Variants in ABCA2 observed in about 807,000 individuals in gnomAD.
The protein encoded by ABCA2 is ATP binding cassette subfamily A member 2.
ABCA2 carries 84 observed loss-of-function variants against 262.8 expected under a neutral mutation model. That is an observed-to-expected ratio of 0.32 (90% CI 0.27 to 0.38). ABCA2 has a LOEUF of 0.38. Ranked by LOEUF, ABCA2 falls within the 10% of genes least tolerant of loss-of-function variation. The pLI is 1.00. For missense variants in ABCA2, 2,662 were observed against 3,405.9 expected (o/e 0.78, Z 5.44); for synonymous variants, 1,696 against 1,502.9 (o/e 1.13, Z -2.97).
intron 1 of ABCA2, among the ~76,000 whole-genome samples, chr9:137,025,365 G>C (rs1831619402): frequency 6.6e-6 from 1 of 152,224 alleles, no homozygotes; most frequent in Non-Finnish European, 1.5e-5. Flanking sequence ...CCACAGGACA[G>C]AGGGGCCCTG....
chr9:137,020,585 G>T (rs1831416596), intron 9 of ABCA2, 90 bp from the exon 10 acceptor site: 1 of 1,546,332 alleles, frequency 6.5e-7, no homozygotes, highest in Non-Finnish European at 8.7e-7. Flanking sequence ...GGACTTCGGG[G>T]CACAGGGCAG....
intron 28 of ABCA2, 132 bp downstream of exon 28, chr9:137,013,700 C>G: frequency 2.2e-6 from 3 of 1,345,492 alleles, no homozygotes; most frequent in Non-Finnish European, 3.1e-6. Flanking sequence ...CCCGGATGAA[C>G]CCCGGTGCGT....
In ABCA2 at chr9:137,019,358, T is replaced by C. The variant is rs573474907; in HGVS notation, c.1426-52A>G. The stretch of plus-strand genomic sequence containing the variant: ...AGTTTCTGGACGGACCCCCACCGAC[T>C]TGGGGGCTCTCACCCCACTCACCTC... On this transcript the variant is annotated intron_variant, in intron 10 of 48. Transcript: ENST00000341511. The surrounding 1 kb of genome is among the most constrained non-coding windows in gnomAD (Gnocchi z 4.4). 5.6e-6 allele frequency: 9 copies of C among 1,594,046 alleles called. No homozygotes were observed. Among genetic ancestry groups the C allele is most frequent in the Non-Finnish European group, 7.7e-6 (9 of 1,167,748 alleles).
rs1332829567 is a variant in ABCA2, at chr9:137,010,061, C to T, written c.6417G>A (p.Leu2139=). ...SLGYCPQCDA[L]FDELTAREHL... ...GCTCCCGGGCCGTGAGCTCGTCGAA[C>T]AGCGCGTCACACTGCGGGCAGTAGC... The change falls in exon 42 of 49, where the codon CTG becomes CTA. Residue 2139 remains leucine (L), a synonymous_variant. Transcript: ENST00000341511. The T allele has an allele frequency of 2.5e-6, 4 of 1,601,016 alleles. No individual in the cohort carries two copies. In the African/African-American group the frequency reaches 4.0e-5, roughly 16 times the overall value.
Position 137,017,126 on chromosome 9 carries a change from T to C in ABCA2, c.2554-2A>G. The C allele has an allele frequency of 1.2e-6, 2 of 1,612,260 alleles. No homozygotes were observed. The highest frequency in any genetic ancestry group is 1.7e-6 in the Non-Finnish European group (2 of 1,179,636). ...AAAGGCCGTCGTGGACATGAGGGAC[T>C]GAGAAGGCAGTGGTGTCAGCACGTG... On this transcript the variant is annotated splice_acceptor_variant, in intron 18 of 48. Coordinates refer to ENST00000341511, the MANE Select transcript of ABCA2 (RefSeq NM_001606.5). LOFTEE classifies it high-confidence loss of function.
chr9:137,015,329 G>C (rs1588515477), intron 24 of ABCA2, 85 bp downstream of exon 24: 1 of 1,437,680 alleles, frequency 7.0e-7, no homozygotes, highest in East Asian at 2.5e-5. Flanking sequence ...GACGGTGAGG[G>C]CCCAGCCTCT....
chr9:137,017,487 A>G lies in ABCA2; in HGVS notation c.2402+15T>C, dbSNP rs781421951. 3.4e-5 allele frequency: 54 copies of G among 1,602,326 alleles called. No homozygotes were observed. Among genetic ancestry groups the G allele is most frequent in the Admixed American group, 6.7e-5 (4 of 59,774 alleles). ...GTGCCTGCCCCAGGTCCCTCCTACC[A>G]TGGCCCGCGCTCACCAGAACATGAT... is the stretch of plus-strand genomic sequence containing the variant. On this transcript the variant is annotated intron_variant, in intron 17 of 48. Transcript: ENST00000341511.
In ABCA2 at chr9:137,021,239, G is replaced by A. The variant is rs1167056786; in HGVS notation, c.897+153C>T. Among the ~76,000 whole-genome samples the A allele has an allele frequency of 6.6e-6, 1 of 152,106 alleles. No individual in the cohort carries two copies. Among genetic ancestry groups the A allele is most frequent in the Non-Finnish European group, 1.5e-5 (1 of 67,994 alleles). ...GAGCTGGGATGGTGAGCAGGAGTGG[G>A]GCACCAGCCATGGTGCCATTGGATA... On this transcript the variant is annotated intron_variant, in intron 8 of 48. Coordinates refer to ENST00000341511, the MANE Select transcript of ABCA2 (RefSeq NM_001606.5). This position sits in a 1 kb window ranked among gnomAD's most constrained non-coding sequence, Gnocchi z 6.0.
Position 137,007,768 on chromosome 9 carries a change from C to T in ABCA2, c.*161G>A. 1 of 1,001,462 alleles carries T rather than the reference C, an allele frequency of 1.0e-6. No individual in the cohort carries two copies. Among genetic ancestry groups the T allele is most frequent in the Non-Finnish European group, 1.5e-6 (1 of 671,954 alleles). The allele number at this position is 1,001,462 out of a possible 1,614,324, so 62.0% of individuals were successfully genotyped here. ...GGCGGCAACCGCAGTGACCACAGGG[C>T]ATGGCCGAGTACAGGGGCTGGAGGA... On this transcript the variant is annotated 3_prime_UTR_variant, in exon 49 of 49. Coordinates refer to ENST00000341511, the MANE Select transcript of ABCA2 (RefSeq NM_001606.5).
At chr9:137,020,266 G>A in intron 10 of ABCA2, 70 bp downstream of exon 10, 1 of 1,595,864 alleles carries the variant, frequency 6.3e-7, no homozygotes, top group East Asian at 2.2e-5. Context: ...CCTCTGCCCA[G>A]GGGTCCCAGG....
chr9:137,022,712 G>A lies in ABCA2; in HGVS notation c.429C>T (p.Asp143=), dbSNP rs765866289. The change falls in exon 5 of 49, where the codon GAC becomes GAT. Residue 143 remains aspartate (D), a synonymous_variant. Transcript: ENST00000341511. ...CTGCACAGGGCACACCTGTGGATCTGTCCAGGTGGCTCCCCGAGGTGCCCG... is the reference window on the plus strand; with the variant it reads ...CTGCACAGGGCACACCTGTGGATCTATCCAGGTGGCTCCCCGAGGTGCCCG... ...AGPGTSGSHL[D]RSTVSSFSLD... 9.3e-6 allele frequency: 15 copies of A among 1,605,806 alleles called. No individual in the cohort carries two copies. The highest frequency in any genetic ancestry group is 2.5e-6 in the Non-Finnish European group (3 of 1,178,332).
At chr9:137,012,969 C>G (rs1439955233) in intron 30 of ABCA2, 33 bp downstream of exon 30, 4 of 1,480,276 alleles carry the variant, frequency 2.7e-6, no homozygotes, top group Non-Finnish European at 2.7e-6. Context: ...CCTCACTGCC[C>G]CTGCCCCCCC....
At chr9:137,012,456 G>A (rs772882902) in intron 32 of ABCA2, 29 bp downstream of exon 32, 1 of 1,610,092 alleles carries the variant, frequency 6.2e-7, no homozygotes, top group Non-Finnish European at 8.5e-7. Context: ...GCTACACACA[G>A]CGGGGCCCAG....
rs1232971312 is a variant in ABCA2, at chr9:137,009,991, C to T, written c.6487G>A (p.Glu2163Lys). 3 of 1,596,682 alleles carry T rather than the reference C, an allele frequency of 1.9e-6. No individual in the cohort carries two copies. Among genetic ancestry groups the T allele is most frequent in the South Asian group, 1.1e-5 (1 of 89,176 alleles). The change falls in exon 42 of 49, where the codon GAG (glutamate) becomes AAG (lysine). Residue 2163 changes from glutamate (E) to lysine (K), a missense_variant. Transcript: ENST00000341511. ...GCCCCACAGATCCTCACCCGGGCCT[C>T]GTCCTTCCAGGAGATCCCACGCAGC... ...TRLRGISWKDEARVVKWALEK... is the reference protein window; with the variant it reads ...TRLRGISWKDKARVVKWALEK...
chr9:137,020,105 G>A, intron 10 of ABCA2: 2 of 589,138 alleles, frequency 3.4e-6, no homozygotes, highest in Non-Finnish European at 6.0e-6. Flanking sequence ...CCCAGCCGGA[G>A]GACCCTGCCA....
chr9:137,010,847 C>T (rs1831011599), intron 39 of ABCA2, 110 bp from the exon 40 acceptor site: 1 of 1,414,442 alleles, frequency 7.1e-7, no homozygotes, highest in African/African-American at 1.4e-5. Context: ...GGGCAGGCCC[C>T]TCTGCTGTCC....
At chr9:137,020,219 G>A (rs1044658725) in intron 10 of ABCA2, 117 bp downstream of exon 10, 83 of 1,401,160 alleles carry the variant, frequency 5.9e-5, no homozygotes, top group Non-Finnish European at 7.5e-5. Context: ...ATCCGAAGCT[G>A]CACCCCGTAC....
rs778837359 is a variant in ABCA2, at chr9:137,016,582, C to T, written c.2915G>A (p.Arg972Gln). Reference sequence around the variant, plus strand: ...TCTGATGCCAGCCTCACCAAAGCGCCGGCTCTCCATGGCACAGGCCTGGTC... The same window carrying T: ...TCTGATGCCAGCCTCACCAAAGCGCTGGCTCTCCATGGCACAGGCCTGGTC... The part of the protein sequence containing the change: ...EEDQACAMES[R>Q]RFEETRGMEE... The change falls in exon 20 of 49, where the codon CGG (arginine) becomes CAG (glutamine). Residue 972 changes from arginine (R) to glutamine (Q), a missense_variant. Transcript: ENST00000341511. 23 of 1,612,130 alleles carry T rather than the reference C, an allele frequency of 1.4e-5. No individual in the cohort carries two copies. The highest frequency in any genetic ancestry group is 1.6e-5 in the Non-Finnish European group (19 of 1,179,936).
In ABCA2 at chr9:137,021,794, C is replaced by T. The variant is rs1212916279; in HGVS notation, c.678+97G>A. Reference sequence around the variant, plus strand: ...CCCTCCCCCTCTCCCAGGAGGAGCTCCAAGTCACCAAAGGGGCCCTTTCCT... The same window carrying T: ...CCCTCCCCCTCTCCCAGGAGGAGCTTCAAGTCACCAAAGGGGCCCTTTCCT... On this transcript the variant is annotated intron_variant, in intron 7 of 48. Transcript: ENST00000341511. The surrounding 1 kb of genome is among the most constrained non-coding windows in gnomAD (Gnocchi z 6.0). The T allele has an allele frequency of 7.6e-7, 1 of 1,319,740 alleles. No homozygotes were observed. The highest frequency in any genetic ancestry group is 2.5e-5 in the East Asian group (1 of 39,590). The allele number at this position is 1,319,740 out of a possible 1,614,324, so 81.8% of individuals were successfully genotyped here.
Sources: allele counts gnomAD v4.1 joint callset (sites outside exome capture counted in the v4.1 genomes callset), GRCh38; gene constraint gnomAD v4.1.1; non-coding constraint Gnocchi (gnomAD v3.1); transcripts MANE v1.5; gene names NCBI Gene and HGNC (gene_info 2026-07-23, HGNC 2026-07-21).